LAMA2: variants seen among roughly 807,000 people sequenced by gnomAD.
LAMA2 encodes the protein laminin subunit alpha-2.
In LAMA2, 269 loss-of-function variants were observed where a neutral mutation model predicts 364.8. The observed-to-expected ratio is 0.74, with a 90% confidence interval of 0.67 to 0.82. The LOEUF is 0.82. Among genes scored for constraint, LAMA2 ranks in the 40% least tolerant of loss-of-function variants. The pLI is 0.00. For missense variants in LAMA2, 3,807 were observed against 3,873.2 expected (o/e 0.98, Z 0.45); for synonymous variants, 1,379 against 1,370.6 (o/e 1.01, Z -0.14).
chr6:129,130,586 A>G (rs1297244713), intron 4 of LAMA2, among the ~76,000 whole-genome samples: 2 of 152,224 alleles, frequency 1.3e-5, no homozygotes, highest in African/African-American at 4.8e-5. Flanking sequence ...GAGGAAACCT[A>G]CAAAGAAGCC....
chr6:129,460,094 A>G (rs1433039860), intron 48 of LAMA2, 106 bp from the exon 49 acceptor site: 2 of 1,056,758 alleles, frequency 1.9e-6, no homozygotes, highest in African/African-American at 1.6e-5. Flanking sequence ...ATCAGAAAGA[A>G]TGGATAATGA....
chr6:128,966,557 C>A (rs933816265), intron 1 of LAMA2, among the ~76,000 whole-genome samples: 1 of 151,994 alleles, frequency 6.6e-6, no homozygotes, highest in African/African-American at 2.4e-5. Flanking sequence ...GGTAAGGCCT[C>A]AGAGAATGTT....
At position 129,503,440 on chromosome 6, in the gene LAMA2, AT is replaced by A. The variant is rs111834945; in HGVS notation, c.8547+161del. On this transcript the variant is annotated intron_variant, in intron 60 of 64. Transcript: ENST00000421865. Reference sequence around the variant, plus strand: ...TATACAACTACCACAATCTTGGAAAATGTGCTCAGACCTGTGTAGGTTTGCA... The same window carrying A: ...TATACAACTACCACAATCTTGGAAAAGTGCTCAGACCTGTGTAGGTTTGCA... Among the ~76,000 whole-genome samples, 1,241 of 152,326 alleles carry A rather than the reference AT, an allele frequency of 8.1e-3. 15 individuals are homozygous for A. The highest frequency in any genetic ancestry group is 0.028 in the African/African-American group (1,167 of 41,560).
chr6:129,245,248 A>G (rs186550924), intron 12 of LAMA2, among the ~76,000 whole-genome samples: 10 of 152,274 alleles, frequency 6.6e-5, no homozygotes, highest in Admixed American at 5.9e-4. Flanking sequence ...GAAAAGAGAT[A>G]TAATTTTCAT....
rs750848086 is a variant in LAMA2, at chr6:129,144,011, A to G, written c.750A>G (p.Thr250=). Residue 250 remains threonine, a synonymous_variant, in exon 5 of 65, where the codon ACA becomes ACG. Transcript: ENST00000421865. ...YIRLRFQRIR[T]LNADLMMFAH... is the part of the protein sequence containing the mutation. ...GCCTGAGATTTCAGAGGATCCGCAC[A>G]CTGAATGCTGACTTGATGATGTTTG... The G allele has an allele frequency of 3.7e-6, 6 of 1,612,742 alleles. No homozygotes were observed. Among genetic ancestry groups the G allele is most frequent in the Non-Finnish European group, 5.1e-6 (6 of 1,179,092 alleles).
intron 1 of LAMA2, among the ~76,000 whole-genome samples, chr6:129,031,325 A>G (rs558396479): frequency 6.6e-6 from 1 of 152,336 alleles, no homozygotes; most frequent in African/African-American, 2.4e-5. Flanking sequence ...CTAATTCTTT[A>G]CACTATGCAT....
intron 40 of LAMA2, among the ~76,000 whole-genome samples, chr6:129,412,959 G>A (rs892325660): frequency 6.6e-6 from 1 of 152,148 alleles, no homozygotes; most frequent in Non-Finnish European, 1.5e-5. Flanking sequence ...TCTGCTTCAG[G>A]TTGTCTTCAT....
chr6:129,182,618 T>G (rs1020725158), intron 10 of LAMA2, among the ~76,000 whole-genome samples: 4 of 151,834 alleles, frequency 2.6e-5, no homozygotes, highest in African/African-American at 9.7e-5. Context: ...ATTATGGTAT[T>G]ATTTATATCA....
chr6:129,291,385 G>C (rs1789691064), intron 19 of LAMA2, among the ~76,000 whole-genome samples: 1 of 152,166 alleles, frequency 6.6e-6, no homozygotes, highest in Admixed American at 6.5e-5. Flanking sequence ...AATGGCATAT[G>C]ATGGGCCAGA....
chr6:129,378,737 G>C (rs536914229), intron 34 of LAMA2, among the ~76,000 whole-genome samples: 1 of 152,106 alleles, frequency 6.6e-6, no homozygotes, highest in African/African-American at 2.4e-5. Context: ...CAAAAAAAAA[G>C]TGTATTTCAT....
chr6:129,356,625 T>C (rs1310405579), intron 32 of LAMA2, among the ~76,000 whole-genome samples: 2 of 152,116 alleles, frequency 1.3e-5, no homozygotes, highest in East Asian at 3.8e-4. Context: ...TGCTGGCTAC[T>C]GATAAACAGA....
chr6:129,303,061 A>G (rs1483518746), intron 22 of LAMA2, among the ~76,000 whole-genome samples: 3 of 152,142 alleles, frequency 2.0e-5, no homozygotes, highest in African/African-American at 4.8e-5. Context: ...TGACAGCTTA[A>G]AAGTATTAGA....
At chr6:129,445,996 T>C (rs556668482) in intron 45 of LAMA2, among the ~76,000 whole-genome samples, 175 bp downstream of exon 45, 34 of 152,308 alleles carry the variant, frequency 2.2e-4, no homozygotes, top group African/African-American at 7.7e-4. Context: ...TTGTTTTGTT[T>C]GTAAATTTCA....
intron 12 of LAMA2, among the ~76,000 whole-genome samples, chr6:129,198,417 A>G (rs1766034962): frequency 6.6e-6 from 1 of 152,174 alleles, no homozygotes; most frequent in African/African-American, 2.4e-5. Flanking sequence ...TTTTTCAATC[A>G]GTTAAGTTTA....
chr6:129,082,188 G>T (rs1774101950), intron 3 of LAMA2, among the ~76,000 whole-genome samples: 2 of 152,056 alleles, frequency 1.3e-5, no homozygotes, highest in African/African-American at 4.8e-5. Context: ...CAGTACCTAA[G>T]TGGATACTGG....
intron 12 of LAMA2, among the ~76,000 whole-genome samples, chr6:129,223,254 A>T (rs957921131): frequency 6.6e-6 from 1 of 152,116 alleles, no homozygotes; most frequent in Non-Finnish European, 1.5e-5. Flanking sequence ...CCTTTGTCAG[A>T]TGAGTAGATT....
chr6:129,054,826 A>C (rs1788353299), intron 2 of LAMA2, among the ~76,000 whole-genome samples: 1 of 150,648 alleles, frequency 6.6e-6, no homozygotes, highest in East Asian at 1.9e-4. Flanking sequence ...CAATCATAAA[A>C]ATGGGATGGA....
chr6:129,270,780 G>C (rs755417037), intron 17 of LAMA2, 29 bp downstream of exon 17: 1 of 1,609,628 alleles, frequency 6.2e-7, no homozygotes, highest in African/African-American at 1.3e-5. Flanking sequence ...CCATGAATAA[G>C]CTCAGCATCC....
chr6:129,196,194 T>A lies in LAMA2; in HGVS notation c.1782+3341T>A, dbSNP rs1781838444. Among the ~76,000 whole-genome samples, 3 of 152,222 alleles carry A rather than the reference T, an allele frequency of 2.0e-5. No individual in the cohort carries two copies. The South Asian group carries it at 6.2e-4, about 31-fold the overall frequency. ...AGAATACCTATAGTCTAGTTTAAGATGCACATTAGGAGAGTCTGCTGACAT... is the reference window on the plus strand; with the variant it reads ...AGAATACCTATAGTCTAGTTTAAGAAGCACATTAGGAGAGTCTGCTGACAT... On this transcript the variant is annotated intron_variant, in intron 12 of 64. Coordinates refer to ENST00000421865, the MANE Select transcript of LAMA2 (RefSeq NM_000426.4).
Sources: gnomAD v4.1 joint callset for allele counts (sites outside exome capture counted in the v4.1 genomes callset) on GRCh38, gnomAD v4.1.1 for gene constraint, MANE v1.5 for transcripts, NCBI Gene and HGNC (gene_info 2026-07-23, HGNC 2026-07-21) for gene names.